RPL3: variants seen among roughly 807,000 people sequenced by gnomAD.
RPL3 encodes the protein large ribosomal subunit protein uL3.
Under a neutral mutation model 46.0 loss-of-function variants are expected in RPL3, and 3 were observed. The observed-to-expected ratio is 0.07, with a 90% confidence interval of 0.03 to 0.17. The LOEUF (loss-of-function observed/expected upper bound fraction) is 0.17. Among genes scored for constraint, RPL3 ranks in the 10% least tolerant of loss-of-function variants. The pLI is 1.00. For missense variants in RPL3, 387 were observed against 532.7 expected (o/e 0.73, Z 2.69); for synonymous variants, 224 against 190.8 (o/e 1.17, Z -1.43).
chr22:39,315,300 C>T (rs754776189), intron 5 of RPL3, 69 bp downstream of exon 5: 19 of 1,602,024 alleles, frequency 1.2e-5, no homozygotes, highest in Non-Finnish European at 1.6e-5. Context: ...GCCTCATCAA[C>T]GAACAGCTGG....
At chr22:39,318,832 AT>A (rs200871548) in intron 1 of RPL3, among the ~76,000 whole-genome samples, 4 of 152,112 alleles carry the variant, frequency 2.6e-5, no homozygotes, top group Admixed American at 2.0e-4. Flanking sequence ...AAAACGACCC[AT>A]TTTTTTTATC....
chr22:39,313,012 G>A (rs751454971), intron 9 of RPL3, 28 bp from the exon 10 acceptor site: 21 of 1,613,984 alleles, frequency 1.3e-5, no homozygotes, highest in South Asian at 2.2e-5. Flanking sequence ...GTGGTCAGAG[G>A]TAGAAGATGA....
Position 39,317,636 on chromosome 22 carries a change from A to G in RPL3, c.197-7T>C, listed in dbSNP as rs1922788106. 1 of 1,611,442 alleles carries G rather than the reference A, an allele frequency of 6.2e-7. No individual in the cohort carries two copies. Among genetic ancestry groups the G allele is most frequent in the South Asian group, 1.1e-5 (1 of 91,006 alleles). Reference sequence around the variant, plus strand: ...ACCTCCTTCTTGTTCACCTCTGCAAAAAAAAAGCAGTAGTCAGACTTGGCA... The same window carrying G: ...ACCTCCTTCTTGTTCACCTCTGCAAGAAAAAAGCAGTAGTCAGACTTGGCA... On this transcript the variant is annotated splice_region_variant and splice_polypyrimidine_tract_variant and intron_variant, in intron 2 of 9. Transcript: ENST00000216146.
rs755015177 is a variant in RPL3 at position 39,312,947 on chromosome 22, C to T, written c.1205G>A (p.Gly402Glu). Residue 402 changes from glycine to glutamate, a missense_variant, in exon 10 of 10, where the codon GGA (glycine) becomes GAA (glutamate). Gly to Glu is a moderately conservative substitution (Grantham distance 98, BLOSUM62 -2). Transcript: ENST00000216146. ...LKKDRIAKEE[G>E]A ...CAAAATCTGTTCCTGGCATTAAGCT[C>T]CTTCTTCCTTTGCAATTCGGTCTTT... is the stretch of plus-strand genomic sequence containing the variant. The T allele has an allele frequency of 6.2e-7, 1 of 1,614,148 alleles. No individual in the cohort carries two copies. The highest frequency in any genetic ancestry group is 8.5e-7 in the Non-Finnish European group (1 of 1,179,982).
intron 5 of RPL3, 87 bp downstream of exon 5, chr22:39,315,282 C>T (rs1278681980): frequency 6.4e-7 from 1 of 1,552,206 alleles, no homozygotes; most frequent in Admixed American, 1.7e-5. Flanking sequence ...ACCCAGCGCT[C>T]ACTCTGAGCC....
At chr22:39,317,051 G>C (rs1447241228) in intron 3 of RPL3, 2 of 707,036 alleles carry the variant, frequency 2.8e-6, no homozygotes, top group African/African-American at 3.6e-5. Flanking sequence ...GTTAATTTAA[G>C]TTACACGCAT....
chr22:39,316,195 G>T (rs1031672066), intron 4 of RPL3, among the ~76,000 whole-genome samples: 1 of 151,476 alleles, frequency 6.6e-6, no homozygotes, highest in Admixed American at 6.6e-5. Context: ...GCTGAGATAG[G>T]GCTATTGCAC....
intron 1 of RPL3, chr22:39,318,924 A>C (rs769962053): frequency 4.5e-5 from 22 of 486,498 alleles, no homozygotes; most frequent in Non-Finnish European, 8.8e-5. Context: ...CAAGGTTTTG[A>C]CCGCTAAAGA....
Position 39,318,601 on chromosome 22 carries a change from G to T in RPL3, c.4-9C>A. ...GAGAACTTTCTGTGAGACTAGGTGG[G>T]AAAAAAATCACCGTCAGCACCCAAA... is the stretch of plus-strand genomic sequence containing the variant. On this transcript the variant is annotated splice_polypyrimidine_tract_variant and intron_variant, in intron 1 of 9. Transcript: ENST00000216146. The T allele has an allele frequency of 6.3e-7, 1 of 1,598,474 alleles. No individual in the cohort carries two copies.
chr22:39,313,883 G>A (rs370139835), intron 7 of RPL3, 154 bp from the exon 8 acceptor site: 62 of 872,098 alleles, frequency 7.1e-5, no homozygotes, highest in African/African-American at 1.5e-4. Context: ...TGTGCCCAGC[G>A]CACATTCCAG....
At chr22:39,317,059 C>G (rs1426315228) in intron 3 of RPL3, 1 of 677,988 alleles carries the variant, frequency 1.5e-6, no homozygotes, top group Admixed American at 2.9e-5. Flanking sequence ...AAGTTACACG[C>G]ATTCAAACAA....
intron 5 of RPL3, 193 bp from the exon 6 acceptor site, chr22:39,315,039 G>C (rs568910619): frequency 1.1e-5 from 9 of 785,696 alleles, no homozygotes; most frequent in African/African-American, 1.7e-5. Context: ...AATTCTGAAT[G>C]GGTGCTTTTT....
At chr22:39,314,575 C>T in intron 6 of RPL3, 111 bp downstream of exon 6, 1 of 1,272,458 alleles carries the variant, frequency 7.9e-7, no homozygotes, top group Non-Finnish European at 1.1e-6. Flanking sequence ...CACTGATGTC[C>T]ACGTGATGCA....
At chr22:39,319,076 C>CA (rs764813344) in intron 1 of RPL3, 1 of 537,682 alleles carries the variant, frequency 1.9e-6, no homozygotes, top group Non-Finnish European at 3.8e-6. Flanking sequence ...AATCAGCACA[C>CA]AGTTTCTGTC....
intron 4 of RPL3, 110 bp downstream of exon 4, chr22:39,316,596 G>A (rs377269812): frequency 7.1e-7 from 1 of 1,412,990 alleles, no homozygotes; most frequent in South Asian, 1.2e-5. Context: ...AGTGCCCTCT[G>A]CTGGCAAGGG....
At chr22:39,317,353 G>A in intron 3 of RPL3, 108 bp downstream of exon 3, 1 of 1,308,718 alleles carries the variant, frequency 7.6e-7, no homozygotes, top group Non-Finnish European at 1.1e-6. Context: ...CTAAACCCAA[G>A]ACAGCAGCTC....
intron 8 of RPL3, 28 bp downstream of exon 8, chr22:39,313,606 C>T (rs1188467318): frequency 6.2e-7 from 1 of 1,604,576 alleles, no homozygotes; most frequent in African/African-American, 1.3e-5. Context: ...ACAAGAGCCC[C>T]CCCATGACAA....
chr22:39,313,340 A>C, intron 8 of RPL3, 30 bp from the exon 9 acceptor site: 6 of 1,613,492 alleles, frequency 3.7e-6, no homozygotes, highest in Non-Finnish European at 5.1e-6. Context: ...GGGATTTAGG[A>C]TTACGAGGAG....
At chr22:39,313,109 C>G (rs1352722781) in intron 9 of RPL3, 82 bp downstream of exon 9, 1 of 1,598,410 alleles carries the variant, frequency 6.3e-7, no homozygotes, top group Non-Finnish European at 8.5e-7. Flanking sequence ...GCATCAAGAC[C>G]ACCCCTACCC....
Sources: allele counts gnomAD v4.1 joint callset (sites outside exome capture counted in the v4.1 genomes callset), GRCh38; gene constraint gnomAD v4.1.1; transcripts MANE v1.5; gene names NCBI Gene and HGNC (gene_info 2026-07-23, HGNC 2026-07-21).